The following ACP3 variants were observed in gnomAD, a reference collection of about 807,000 sequenced individuals.
ACP3 encodes acid phosphatase 3.
Under a neutral mutation model 45.6 loss-of-function variants are expected in ACP3, and 38 were observed. The observed-to-expected ratio is 0.83, with a 90% CI of 0.64 to 1.09. The LOEUF is 1.09. Among genes scored for constraint, ACP3 ranks in the 50% least tolerant of loss-of-function variants. The pLI, the probability that ACP3 is intolerant of heterozygous loss-of-function variation, is 0.00. For synonymous variants in ACP3, 162 were observed against 164.7 expected, an observed-to-expected ratio of 0.98 and a Z score of 0.13; for missense variants, 466 against 463.2, an observed-to-expected ratio of 1.01 and a Z score of -0.05.
intron 3 of ACP3, 111 bp from the exon 4 acceptor site, chr3:132,332,081 G>T: frequency 8.4e-7 from 1 of 1,191,426 alleles, no homozygotes; most frequent in Non-Finnish European, 1.2e-6. Flanking sequence ...CACAATGTCT[G>T]TAATATTTCA....
At chr3:132,332,640 TA>T in intron 4 of ACP3, 1 of 293,088 alleles carries the variant, frequency 3.4e-6, no homozygotes, top group Non-Finnish European at 6.5e-6. Context: ...GAGAGGGAGA[TA>T]GACAAGTCCC....
rs754761150 is a variant in ACP3, at chr3:132,337,552, A to G, written c.553A>G (p.Lys185Glu). ...ATTCCAGAAGAGGCTGCACCCTTAT[A>G]AGGTTAAAAGCTAGTTTTGTTTAGT... The part of the protein sequence containing the change: ...EEFQKRLHPY[K>E]DFIATLGKLS... The change falls in exon 5 of 10, where the codon AAG (lysine) becomes GAG (glutamate). Residue 185 changes from lysine (K) to glutamate (E), a missense_variant and splice_region_variant. Transcript: ENST00000336375. 2.5e-6 allele frequency: 4 copies of G among 1,591,614 alleles called. No individual in the cohort carries two copies. The African/African-American group carries it at 4.0e-5, about 16-fold the overall frequency.
At chr3:132,330,708 G>C (rs1937384603) in intron 2 of ACP3, among the ~76,000 whole-genome samples, 1 of 152,184 alleles carries the variant, frequency 6.6e-6, no homozygotes, top group Admixed American at 6.5e-5. Flanking sequence ...CAAATGACAA[G>C]TGGGACCAAG....
At chr3:132,331,816 T>C (rs1445770336) in intron 3 of ACP3, 83 bp downstream of exon 3, 3 of 1,201,474 alleles carry the variant, frequency 2.5e-6, no homozygotes, top group Non-Finnish European at 3.5e-6. Flanking sequence ...CTTTGCCTGT[T>C]TTCCAAGGAA....
intron 1 of ACP3, among the ~76,000 whole-genome samples, chr3:132,327,521 A>G (rs1357848467): frequency 6.6e-6 from 1 of 151,474 alleles, no homozygotes; most frequent in Non-Finnish European, 1.5e-5. Context: ...CTCGAAAAAA[A>G]AAAAAAAGTT....
chr3:132,353,246 C>T (rs1262504117), intron 9 of ACP3, among the ~76,000 whole-genome samples: 14 of 152,168 alleles, frequency 9.2e-5, no homozygotes, highest in Non-Finnish European at 5.9e-5. Flanking sequence ...CAATTTCTAA[C>T]TGGTGTCTAC....
intron 7 of ACP3, among the ~76,000 whole-genome samples, chr3:132,348,999 T>TCACACACACACA (rs3221158): frequency 6.8e-6 from 1 of 146,836 alleles, no homozygotes; most frequent in Admixed American, 6.9e-5. Flanking sequence ...TCATTACAAC[T>TCACACACACACA]CACACACACA....
intron 7 of ACP3, among the ~76,000 whole-genome samples, chr3:132,347,621 A>G (rs1014911042): frequency 6.6e-6 from 1 of 151,878 alleles, no homozygotes; most frequent in Non-Finnish European, 1.5e-5. Flanking sequence ...CTGGGACTAC[A>G]GTCATGCACC....
At chr3:132,361,161 A>G (rs1009366426), downstream of ACP3, among the ~76,000 whole-genome samples, 1 of 152,128 alleles carries the variant, frequency 6.6e-6, no homozygotes, top group South Asian at 2.1e-4. Context: ...CTCCATTGCT[A>G]TTAAAAGCCC....
chr3:132,319,483 A>G (rs1202214343), intron 1 of ACP3, among the ~76,000 whole-genome samples: 1 of 152,256 alleles, frequency 6.6e-6, no homozygotes, highest in Non-Finnish European at 1.5e-5. Flanking sequence ...ATCCTCTAAA[A>G]TAAGGTCGTT....
intron 1 of ACP3, among the ~76,000 whole-genome samples, chr3:132,318,766 A>G (rs1937153284): frequency 6.6e-6 from 1 of 152,188 alleles, no homozygotes; most frequent in Non-Finnish European, 1.5e-5. Context: ...TTGTACTTCT[A>G]TCAGTAGTTT....
chr3:132,342,286 A>C (rs534831755), intron 5 of ACP3, among the ~76,000 whole-genome samples: 1 of 152,302 alleles, frequency 6.6e-6, no homozygotes, highest in Non-Finnish European at 1.5e-5. Context: ...TTACTGGTGC[A>C]TTTTTCTGTG....
intron 8 of ACP3, among the ~76,000 whole-genome samples, chr3:132,352,269 C>T (rs1937760209): frequency 6.6e-6 from 1 of 152,104 alleles, no homozygotes; most frequent in South Asian, 2.1e-4. Context: ...ACGATCTTGG[C>T]TCACTGCAAC....
chr3:132,337,462 T>A lies in ACP3; in HGVS notation c.463T>A (p.Tyr155Asn), dbSNP rs1475456743. 4 of 1,606,674 alleles carry A rather than the reference T, an allele frequency of 2.5e-6. No homozygotes were observed. In the African/African-American group the frequency reaches 4.0e-5, roughly 16 times the overall value. ...ATTTTTCTCTTATCCTCAGTTGCTA[T>A]ACCTGCCTTTCAGGAACTGCCCTCG... is the stretch of plus-strand genomic sequence containing the variant. Reference protein sequence around the residue: ...TVPLSEDQLLYLPFRNCPRFQ... With the variant: ...TVPLSEDQLLNLPFRNCPRFQ... The change falls in exon 5 of 10, where the codon TAC (tyrosine) becomes AAC (asparagine). Residue 155 changes from tyrosine to asparagine, a missense_variant. By Grantham distance (143) the Tyr-to-Asn change is moderately radical. Coordinates refer to ENST00000336375, the MANE Select transcript of ACP3 (RefSeq NM_001099.5).
chr3:132,322,281 C>G (rs1017363782), intron 1 of ACP3, among the ~76,000 whole-genome samples: 1 of 152,178 alleles, frequency 6.6e-6, no homozygotes, highest in South Asian at 2.1e-4. Context: ...TAGACTTGTC[C>G]TGATTGCTTC....
chr3:132,342,467 C>G, intron 5 of ACP3, 85 bp from the exon 6 acceptor site: 1 of 963,948 alleles, frequency 1.0e-6, no homozygotes, highest in Non-Finnish European at 1.6e-6. Context: ...CTCCCTACAA[C>G]AAACAATTGT....
At chr3:132,353,347 A>C (rs954131649) in intron 9 of ACP3, among the ~76,000 whole-genome samples, 1 of 152,212 alleles carries the variant, frequency 6.6e-6, no homozygotes, top group Non-Finnish European at 1.5e-5. Flanking sequence ...CAAATGTCCC[A>C]GTTCACCAGA....
Position 132,342,651 on chromosome 3 carries a change from GAA to G in ACP3, c.648+15_648+16del. 6.6e-7 allele frequency: 1 copy of G among 1,525,046 alleles called. No homozygotes were observed. The highest frequency in any genetic ancestry group is 8.9e-7 in the Non-Finnish European group (1 of 1,127,432). The allele number at this position is 1,525,046 out of a possible 1,614,324, so 94.5% of individuals were successfully genotyped here. ...CGACCCTTTATATTGTGAGGTAAAA[GAA>G]AAAAAAATCACAGGTTAACTTGCAA... On this transcript the variant is annotated splice_region_variant and intron_variant, in intron 6 of 9. Coordinates refer to ENST00000336375, the MANE Select transcript of ACP3 (RefSeq NM_001099.5).
chr3:132,339,676 C>T (rs147421172), intron 5 of ACP3, among the ~76,000 whole-genome samples: 4 of 152,356 alleles, frequency 2.6e-5, no homozygotes, highest in African/African-American at 9.6e-5. Context: ...CTGCCTTCTT[C>T]AGGACCACCA....
Sources: gnomAD v4.1 joint callset for allele counts (sites outside exome capture counted in the v4.1 genomes callset) on GRCh38, gnomAD v4.1.1 for gene constraint, MANE v1.5 for transcripts, NCBI Gene and HGNC (gene_info 2026-07-23, HGNC 2026-07-21) for gene names.